Variants in COL21A1 observed in about 807,000 individuals in gnomAD.
COL21A1 encodes collagen alpha-1(XXI) chain.
Under a neutral mutation model 137.9 loss-of-function variants are expected in COL21A1, and 149 were observed. The observed-to-expected ratio is 1.08, with a 90% CI of 0.95 to 1.24. COL21A1 has a LOEUF of 1.24. COL21A1 is among the 50% of genes most tolerant of loss of function. The pLI is 0.00. For synonymous variants in COL21A1, 456 were observed against 391.5 expected, an observed-to-expected ratio of 1.16 and a Z score of -1.95; for missense variants, 1,167 against 1,158.4, an observed-to-expected ratio of 1.01 and a Z score of -0.11.
chr6:56,177,896 T>G (rs1388992174), intron 3 of COL21A1, among the ~76,000 whole-genome samples: 1 of 151,916 alleles, frequency 6.6e-6, no homozygotes, highest in African/African-American at 2.4e-5. Flanking sequence ...GCAACAGATA[T>G]GTGAACTGAT....
At chr6:56,350,643 C>A (rs891114348) in intron 1 of COL21A1, among the ~76,000 whole-genome samples, 1 of 152,182 alleles carries the variant, frequency 6.6e-6, no homozygotes, top group African/African-American at 2.4e-5. Context: ...GTGTTAGTAG[C>A]TCTCTCCTGG....
intron 1 of COL21A1, among the ~76,000 whole-genome samples, chr6:56,273,719 G>T (rs1468304539): frequency 2.6e-5 from 4 of 152,068 alleles, no homozygotes; most frequent in Non-Finnish European, 5.9e-5. Flanking sequence ...TTCCAAAATT[G>T]AATTAGTAAT....
chr6:56,254,277 A>C (rs1250350098), intron 1 of COL21A1, among the ~76,000 whole-genome samples: 1 of 152,234 alleles, frequency 6.6e-6, no homozygotes. Flanking sequence ...TCTTTGTGGT[A>C]ACCCAGTTAA....
chr6:56,357,792 G>A (rs905407221), intron 1 of COL21A1, among the ~76,000 whole-genome samples: 3 of 152,112 alleles, frequency 2.0e-5, no homozygotes, highest in South Asian at 2.1e-4. Context: ...AATGCTTCAC[G>A]GCATGCCAAG....
At chr6:56,171,552 A>C (rs1777059808) in intron 3 of COL21A1, among the ~76,000 whole-genome samples, 1 of 151,946 alleles carries the variant, frequency 6.6e-6, no homozygotes, top group Non-Finnish European at 1.5e-5. Context: ...TAATTTATTT[A>C]ATTCAAAAAT....
At chr6:56,170,557 A>T in intron 5 of COL21A1, 92 bp downstream of exon 5, 1 of 783,878 alleles carries the variant, frequency 1.3e-6, no homozygotes, top group Non-Finnish European at 2.0e-6. Context: ...CAATCATGTT[A>T]AAATTATAGC....
At chr6:56,205,344 G>T (rs1190582503) in intron 1 of COL21A1, among the ~76,000 whole-genome samples, 1 of 152,106 alleles carries the variant, frequency 6.6e-6, no homozygotes, top group Non-Finnish European at 1.5e-5. Flanking sequence ...GCATAAACAA[G>T]TATCAATAGC....
rs1767260760 is a variant in COL21A1, at chr6:56,076,520, C to A, written c.1858-988G>T. On this transcript the variant is annotated intron_variant, in intron 18 of 29. Transcript: ENST00000244728. ...AAGACTATTAGTACTGAAAATATAA[C>A]AAGAGACTTCAAGAACAAAAAGTTG... Among the ~76,000 whole-genome samples the A allele has an allele frequency of 6.6e-5, 10 of 150,964 alleles. 1 individual carries two copies. In the South Asian group the frequency reaches 2.1e-3, roughly 31 times the overall value.
intron 1 of COL21A1, among the ~76,000 whole-genome samples, chr6:56,342,629 G>GAAAC (rs984903474): frequency 3.9e-4 from 60 of 152,278 alleles, no homozygotes; most frequent in African/African-American, 1.4e-3. Flanking sequence ...TTTCAGATGA[G>GAAAC]AAACACTCAC....
chr6:56,379,890 A>G (rs2094005905), intron 1 of COL21A1, among the ~76,000 whole-genome samples: 2 of 152,180 alleles, frequency 1.3e-5, no homozygotes, highest in South Asian at 4.1e-4. Flanking sequence ...TTTTCTTATT[A>G]TGAGGGAGGT....
chr6:56,138,976 T>C (rs536156908), intron 12 of COL21A1, among the ~76,000 whole-genome samples: 1 of 151,996 alleles, frequency 6.6e-6, no homozygotes, highest in African/African-American at 2.4e-5. Context: ...AAAGATGGGA[T>C]CCAGACTGCA....
At chr6:56,157,845 C>T (rs1017640438) in intron 9 of COL21A1, among the ~76,000 whole-genome samples, 1 of 152,202 alleles carries the variant, frequency 6.6e-6, no homozygotes, top group Non-Finnish European at 1.5e-5. Context: ...GGCCAAACAA[C>T]CCTATTCCAA....
intron 28 of COL21A1, 99 bp from the exon 29 acceptor site, chr6:56,059,341 T>C: frequency 1.4e-6 from 1 of 713,452 alleles, no homozygotes; most frequent in South Asian, 2.8e-5. Flanking sequence ...GAAAAATGTC[T>C]TTTAAAAACC....
intron 1 of COL21A1, among the ~76,000 whole-genome samples, chr6:56,193,028 A>C (rs558274208): frequency 6.6e-6 from 1 of 152,296 alleles, no homozygotes; most frequent in South Asian, 2.1e-4. Context: ...GACATAGATG[A>C]AGCTGGGAAT....
chr6:56,365,721 A>T (rs1202619738), intron 1 of COL21A1, among the ~76,000 whole-genome samples: 3 of 152,196 alleles, frequency 2.0e-5, no homozygotes, highest in Admixed American at 2.0e-4. Flanking sequence ...CACCATTCTT[A>T]TATGTCAATG....
At chr6:56,193,669 A>G (rs1207580316) in intron 1 of COL21A1, among the ~76,000 whole-genome samples, 3 of 152,260 alleles carry the variant, frequency 2.0e-5, no homozygotes, top group South Asian at 2.1e-4. Context: ...TTATACTTCA[A>G]TGAAAAAAAA....
chr6:56,220,735 T>C (rs1026751527), intron 1 of COL21A1, among the ~76,000 whole-genome samples: 1 of 152,114 alleles, frequency 6.6e-6, no homozygotes, highest in Admixed American at 6.5e-5. Context: ...CTTTGAAAAA[T>C]AGCTGACTTT....
intron 1 of COL21A1, among the ~76,000 whole-genome samples, chr6:56,305,304 C>T (rs1050360835): frequency 1.1e-4 from 17 of 152,202 alleles, no homozygotes; most frequent in African/African-American, 2.9e-4. Flanking sequence ...CTTTCTGTCT[C>T]GTTGATCTGT....
chr6:56,372,471 G>A (rs544407273), intron 1 of COL21A1, among the ~76,000 whole-genome samples: 1 of 152,138 alleles, frequency 6.6e-6, no homozygotes, highest in Non-Finnish European at 1.5e-5. Context: ...GAAAGTATTG[G>A]CAGGGAGAAC....
Sources: allele counts gnomAD v4.1 joint callset (sites outside exome capture counted in the v4.1 genomes callset), GRCh38; gene constraint gnomAD v4.1.1; transcripts MANE v1.5; gene names NCBI Gene and HGNC (gene_info 2026-07-23, HGNC 2026-07-21).